The following CCSER2 variants were observed in gnomAD, a reference collection of about 807,000 sequenced individuals.
The protein encoded by CCSER2 is coiled-coil serine rich protein 2.
A neutral mutation model predicts 92.3 loss-of-function variants in CCSER2; 46 were observed. The ratio of observed to expected loss-of-function variants is 0.50; its 90% CI spans 0.39 to 0.64. The LOEUF (loss-of-function observed/expected upper bound fraction) is 0.64. Ranked by LOEUF, CCSER2 falls within the 30% of genes least tolerant of loss-of-function variation. The pLI, the probability that CCSER2 is intolerant of heterozygous loss-of-function variation, is 0.00. For missense variants in CCSER2, 1,244 were observed against 1,238.9 expected (o/e 1.00, Z -0.06); for synonymous variants, 433 against 431.4 (o/e 1.00, Z -0.04).
At chr10:84,404,451 A>G (rs1197900239) in intron 3 of CCSER2, among the ~76,000 whole-genome samples, 1 of 152,198 alleles carries the variant, frequency 6.6e-6, no homozygotes, top group Non-Finnish European at 1.5e-5. Flanking sequence ...AAGTGAGTGG[A>G]CAGGAAGCAA....
chr10:84,342,022 C>T (rs1047495646), intron 1 of CCSER2, among the ~76,000 whole-genome samples: 10 of 152,126 alleles, frequency 6.6e-5, no homozygotes, highest in Non-Finnish European at 1.3e-4. Context: ...TGATTGATTA[C>T]ATCATTGGCC....
intron 3 of CCSER2, among the ~76,000 whole-genome samples, chr10:84,387,047 T>A (rs1383642794): frequency 6.6e-6 from 1 of 152,144 alleles, no homozygotes; most frequent in Non-Finnish European, 1.5e-5. Context: ...TGCAACATGT[T>A]CATGGAGTAA....
chr10:84,389,224 G>T, intron 3 of CCSER2: 1 of 446,652 alleles, frequency 2.2e-6, no homozygotes, highest in South Asian at 1.8e-5. Context: ...CATGAGGGTG[G>T]CGGCCATCAG....
intron 9 of CCSER2, among the ~76,000 whole-genome samples, chr10:84,486,822 C>T (rs1374838524): frequency 1.3e-5 from 2 of 152,174 alleles, no homozygotes; most frequent in Non-Finnish European, 2.9e-5. Context: ...CTTGCCCATG[C>T]CTATGTCCTG....
intron 6 of CCSER2, among the ~76,000 whole-genome samples, chr10:84,460,602 ATT>A (rs1013795236): frequency 1.4e-5 from 2 of 142,436 alleles, no homozygotes; most frequent in African/African-American, 2.6e-5. Flanking sequence ...CTGGCCTCAG[ATT>A]TTTTTTTTTT....
chr10:84,343,367 C>T (rs1589396311), intron 1 of CCSER2, among the ~76,000 whole-genome samples: 1 of 152,320 alleles, frequency 6.6e-6, no homozygotes, highest in East Asian at 1.9e-4. Context: ...CTTCTCTCTT[C>T]ATTGTCTTTA....
At chr10:84,342,563 A>G (rs1417484840) in intron 1 of CCSER2, among the ~76,000 whole-genome samples, 1 of 152,196 alleles carries the variant, frequency 6.6e-6, no homozygotes, top group Non-Finnish European at 1.5e-5. Context: ...CTGTTCACAG[A>G]ATAAACTCCA....
At chr10:84,373,045 G>T (rs929386411) in intron 2 of CCSER2, among the ~76,000 whole-genome samples, 6 of 152,020 alleles carry the variant, frequency 3.9e-5, no homozygotes, top group African/African-American at 1.4e-4. Flanking sequence ...GTTACTAAAT[G>T]CTGGATAAAA....
At chr10:84,430,559 A>G (rs1843709000) in intron 5 of CCSER2, among the ~76,000 whole-genome samples, 1 of 152,188 alleles carries the variant, frequency 6.6e-6, no homozygotes, top group Admixed American at 6.5e-5. Flanking sequence ...CAGGGAGATC[A>G]AATCATAGCA....
chr10:84,487,854 G>T (rs367751481), intron 9 of CCSER2, among the ~76,000 whole-genome samples: 2 of 152,140 alleles, frequency 1.3e-5, no homozygotes, highest in African/African-American at 4.8e-5. Flanking sequence ...TTTGCCCATT[G>T]AGTATGATAT....
intron 8 of CCSER2, among the ~76,000 whole-genome samples, chr10:84,471,737 A>G (rs980458020): frequency 6.6e-6 from 1 of 152,158 alleles, no homozygotes; most frequent in African/African-American, 2.4e-5. Flanking sequence ...TGCCCATTTT[A>G]CCTAATGTAA....
intron 5 of CCSER2, among the ~76,000 whole-genome samples, chr10:84,429,172 CT>C (rs931952668): frequency 1.9e-4 from 29 of 152,000 alleles, no homozygotes; most frequent in Middle Eastern, 3.4e-3. Flanking sequence ...GTGAATTCTT[CT>C]TTGAATGTTT....
In CCSER2 at chr10:84,513,853, A is replaced by G; in HGVS notation, c.2730A>G (p.Pro910=). 2 of 1,536,330 alleles carry G rather than the reference A, an allele frequency of 1.3e-6. No homozygotes were observed. Among genetic ancestry groups the G allele is most frequent in the Non-Finnish European group, 1.7e-6 (2 of 1,146,956 alleles). The change falls in exon 10 of 10, where the codon CCA becomes CCG. Residue 910 remains proline, a synonymous_variant. Transcript: ENST00000372088. ...AKRVGRNQSP[P]VGYMSQPKSL... is the part of the protein sequence containing the mutation. ...GAGTTGGAAGAAATCAGTCTCCGCCAGTGGGTTATATGTCTCAGCCCAAGT... is the reference window on the plus strand; with the variant it reads ...GAGTTGGAAGAAATCAGTCTCCGCCGGTGGGTTATATGTCTCAGCCCAAGT...
At chr10:84,466,278 A>G (rs564573286) in intron 7 of CCSER2, among the ~76,000 whole-genome samples, 18 of 152,258 alleles carry the variant, frequency 1.2e-4, no homozygotes, top group South Asian at 2.1e-4. Context: ...CGTGCCATTA[A>G]AATTGTAGGA....
At chr10:84,450,008 A>T (rs1261338992) in intron 6 of CCSER2, among the ~76,000 whole-genome samples, 1 of 152,254 alleles carries the variant, frequency 6.6e-6, no homozygotes, top group Non-Finnish European at 1.5e-5. Context: ...CAGTTAATGC[A>T]TGTTAGCAGT....
chr10:84,500,220 G>A (rs1374756286), intron 9 of CCSER2, among the ~76,000 whole-genome samples: 1 of 152,116 alleles, frequency 6.6e-6, no homozygotes, highest in Non-Finnish European at 1.5e-5. Context: ...AGTGACCCTA[G>A]ACCTACTGAC....
intron 9 of CCSER2, among the ~76,000 whole-genome samples, chr10:84,501,116 A>G (rs1054419167): frequency 6.6e-6 from 1 of 152,032 alleles, no homozygotes; most frequent in Non-Finnish European, 1.5e-5. Context: ...CTCCTTTTCT[A>G]TCTCCCACCA....
intron 6 of CCSER2, among the ~76,000 whole-genome samples, chr10:84,463,318 C>G (rs776381387): frequency 6.6e-6 from 1 of 152,170 alleles, no homozygotes; most frequent in East Asian, 1.9e-4. Flanking sequence ...GGACATAGAA[C>G]ATTTCCAGCT....
chr10:84,513,343 C>T, intron 9 of CCSER2, 106 bp from the exon 10 acceptor site: 1 of 830,076 alleles, frequency 1.2e-6, no homozygotes. Context: ...ACATATTTTC[C>T]ATATTAAAGC....
Sources: gnomAD v4.1 joint callset for allele counts (sites outside exome capture counted in the v4.1 genomes callset) on GRCh38, gnomAD v4.1.1 for gene constraint, MANE v1.5 for transcripts, NCBI Gene and HGNC (gene_info 2026-07-23, HGNC 2026-07-21) for gene names.